The following DTWD2 variants were observed in gnomAD, a reference collection of about 807,000 sequenced individuals.
DTWD2 encodes DTW motif tRNA-uridine aminocarboxypropyltransferase 2.
DTWD2 carries 39 observed loss-of-function variants against 31.8 expected under a neutral mutation model. The observed-to-expected ratio is 1.22, with a 90% confidence interval of 0.95 to 1.60. The LOEUF is 1.60. DTWD2 is among the 40% of genes most tolerant of loss of function. The probability of loss-of-function intolerance (pLI) is 0.00; values close to 1 mark genes in which losing one functional copy is unlikely to be tolerated. For synonymous variants in DTWD2, 180 were observed against 142.8 expected (o/e 1.26, Z -1.86); for missense variants, 515 against 381.5 (o/e 1.35, Z -2.92).
Position 118,874,148 on chromosome 5 carries a change from A to T in DTWD2, c.598-25930T>A, listed in dbSNP as rs1415719181. On this transcript the variant is annotated intron_variant, in intron 4 of 5. Transcript: ENST00000510708. ...CAGTCGACTGAATCCACCTTATTCC[A>T]CAATAAAACCCTCAAGGTCATCAAA... Among the ~76,000 whole-genome samples, 12 of 152,226 alleles carry T rather than the reference A, an allele frequency of 7.9e-5. 1 individual carries two copies. Among genetic ancestry groups the T allele is most frequent in the Non-Finnish European group, 1.5e-5 (1 of 68,034 alleles).
chr5:118,960,945 G>A (rs911472158), intron 1 of DTWD2, among the ~76,000 whole-genome samples: 1 of 152,108 alleles, frequency 6.6e-6, no homozygotes, highest in East Asian at 1.9e-4. Flanking sequence ...TGGGAAGAGG[G>A]TGAGGATCAA....
intron 1 of DTWD2, among the ~76,000 whole-genome samples, chr5:118,945,774 A>AAAGAAAAGAAAGAAAGAAAGAAAGAAAG (rs1554069059): frequency 7.4e-6 from 1 of 134,262 alleles, no homozygotes; most frequent in African/African-American, 2.9e-5. Flanking sequence ...CAAAAAAAAA[A>AAAGAAAAGAAAGAAAGAAAGAAAGAAAG]AAAGAAAGAA....
Position 118,912,768 on chromosome 5 carries a change from T to G in DTWD2, c.597+15769A>C, listed in dbSNP as rs185361484. Among the ~76,000 whole-genome samples the G allele has an allele frequency of 2.0e-5, 3 of 152,340 alleles. No homozygotes were observed. The East Asian group carries it at 5.8e-4, about 29-fold the overall frequency. On this transcript the variant is annotated intron_variant, in intron 4 of 5. Transcript: ENST00000510708. ...ATTTTTGTCTTTTTCCCCAGCTTAC[T>G]ATAAACTCCATGAGAAAAACAGTAG...
intron 3 of DTWD2, among the ~76,000 whole-genome samples, chr5:118,933,050 C>A (rs985703672): frequency 6.6e-6 from 1 of 152,006 alleles, no homozygotes; most frequent in East Asian, 1.9e-4. Flanking sequence ...TCAATGCCCA[C>A]AAATTTCATA....
intron 3 of DTWD2, 45 bp downstream of exon 3, chr5:118,939,151 C>G: frequency 6.5e-7 from 1 of 1,532,232 alleles, no homozygotes; most frequent in East Asian, 2.4e-5. Flanking sequence ...TTTTTAAGAT[C>G]TGTGTAGAAA....
chr5:118,855,847 A>G, intron 4 of DTWD2, among the ~76,000 whole-genome samples: 1 of 152,180 alleles, frequency 6.6e-6, no homozygotes, highest in Non-Finnish European at 1.5e-5. Context: ...CACCAGCCAG[A>G]GAAAACGACT....
chr5:118,869,579 A>C (rs922252309), intron 4 of DTWD2, among the ~76,000 whole-genome samples: 1 of 152,188 alleles, frequency 6.6e-6, no homozygotes, highest in Non-Finnish European at 1.5e-5. Context: ...ATAACAGCAT[A>C]CCATAACATA....
chr5:118,882,030 C>A (rs913714622), intron 4 of DTWD2, among the ~76,000 whole-genome samples: 5 of 152,180 alleles, frequency 3.3e-5, no homozygotes, highest in African/African-American at 1.2e-4. Context: ...AAGTTCAAAG[C>A]CTCATCTGAG....
intron 1 of DTWD2, among the ~76,000 whole-genome samples, chr5:118,966,765 C>T (rs1395122061): frequency 6.6e-6 from 1 of 152,126 alleles, no homozygotes; most frequent in Non-Finnish European, 1.5e-5. Flanking sequence ...CACAGTGGCT[C>T]ACACCTGTAA....
At chr5:118,974,116 G>C in intron 1 of DTWD2, 1 of 1,586,320 alleles carries the variant, frequency 6.3e-7, no homozygotes, top group Non-Finnish European at 8.6e-7. Flanking sequence ...AGACCGACGA[G>C]GATGACTAGA....
chr5:118,849,483 C>A (rs1751947420), intron 4 of DTWD2, among the ~76,000 whole-genome samples: 1 of 152,180 alleles, frequency 6.6e-6, no homozygotes, highest in African/African-American at 2.4e-5. Flanking sequence ...CCTCAACGAT[C>A]TACAACCAGA....
At chr5:118,900,778 A>G (rs1753187568) in intron 4 of DTWD2, among the ~76,000 whole-genome samples, 1 of 152,046 alleles carries the variant, frequency 6.6e-6, no homozygotes, top group South Asian at 2.1e-4. Flanking sequence ...ACAAAAAATT[A>G]GCCAGGCGTG....
intron 1 of DTWD2, among the ~76,000 whole-genome samples, chr5:118,955,040 G>A (rs77224910): frequency 0.02 from 3,004 of 151,878 alleles, 99 homozygotes; most frequent in African/African-American, 0.069. Context: ...ATAAGTGATC[G>A]CACATAAAAG....
intron 4 of DTWD2, among the ~76,000 whole-genome samples, chr5:118,864,218 A>G (rs1441559552): frequency 1.3e-5 from 2 of 149,420 alleles, no homozygotes; most frequent in Non-Finnish European, 3.0e-5. Context: ...TGATGAGTTC[A>G]TGTCCTTTGT....
chr5:118,954,339 T>C (rs1388239181), intron 1 of DTWD2, among the ~76,000 whole-genome samples: 1 of 152,150 alleles, frequency 6.6e-6, no homozygotes. Context: ...CCCCTTATTC[T>C]GACTGATTTT....
At position 118,836,672 on chromosome 5, in the gene DTWD2, G is replaced by T. The variant is rs1469220510; in HGVS notation, c.*4245C>A. ...ACAGGTTGAAACCTTAATTCCCGAGGTATAGTATTAGGAAGTGGAACCTTT... is the reference window on the plus strand; with the variant it reads ...ACAGGTTGAAACCTTAATTCCCGAGTTATAGTATTAGGAAGTGGAACCTTT... On this transcript the variant is annotated 3_prime_UTR_variant, in exon 6 of 6. Coordinates refer to ENST00000510708, the MANE Select transcript of DTWD2 (RefSeq NM_173666.4). Among the ~76,000 whole-genome samples, 1 of 152,158 alleles carries T rather than the reference G, an allele frequency of 6.6e-6. No homozygotes were observed. Among genetic ancestry groups the T allele is most frequent in the Non-Finnish European group, 1.5e-5 (1 of 68,026 alleles).
chr5:118,893,146 C>T (rs917938196), intron 4 of DTWD2, among the ~76,000 whole-genome samples: 3 of 151,824 alleles, frequency 2.0e-5, no homozygotes, highest in Admixed American at 1.3e-4. Context: ...GAGGCCAAGG[C>T]GAGCCAATGC....
chr5:118,929,730 G>T (rs1158369826), intron 3 of DTWD2, among the ~76,000 whole-genome samples: 1 of 152,120 alleles, frequency 6.6e-6, no homozygotes, highest in African/African-American at 2.4e-5. Context: ...TGTTTAGAGG[G>T]CTTGCAAACA....
intron 4 of DTWD2, among the ~76,000 whole-genome samples, chr5:118,862,335 C>G (rs1362702780): frequency 6.6e-6 from 1 of 152,166 alleles, no homozygotes; most frequent in East Asian, 1.9e-4. Context: ...AGCTAGAAAG[C>G]TGGAGTGTCT....
Sources: gnomAD v4.1 joint callset for allele counts (sites outside exome capture counted in the v4.1 genomes callset) on GRCh38, gnomAD v4.1.1 for gene constraint, MANE v1.5 for transcripts, NCBI Gene and HGNC (gene_info 2026-07-23, HGNC 2026-07-21) for gene names.